Variants in GAK observed in about 807,000 individuals in gnomAD.
The protein encoded by GAK is cyclin-G-associated kinase.
GAK carries 79 observed loss-of-function variants against 143.9 expected under a neutral mutation model. The ratio of observed to expected loss-of-function variants is 0.55; its 90% confidence interval spans 0.46 to 0.66. The LOEUF (loss-of-function observed/expected upper bound fraction) is 0.66. GAK is among the 30% of genes least tolerant of loss of function. The probability of loss-of-function intolerance (pLI) is 0.00; values close to 1 mark genes in which losing one functional copy is unlikely to be tolerated. For missense variants in GAK, 1,693 were observed against 1,779.7 expected (o/e 0.95, Z 0.88); for synonymous variants, 881 against 765.5 (o/e 1.15, Z -2.49).
chr4:892,246 G>C (rs557548486), intron 9 of GAK, among the ~76,000 whole-genome samples: 12 of 152,320 alleles, frequency 7.9e-5, no homozygotes, highest in African/African-American at 2.2e-4. Context: ...AGCTACCAGG[G>C]AGTGGAAACG....
rs773153935 is a variant in GAK at position 866,522 on chromosome 4, C to A, written c.2885G>T (p.Gly962Val). 1 of 1,613,588 alleles carries A rather than the reference C, an allele frequency of 6.2e-7. No homozygotes were observed. Among genetic ancestry groups the A allele is most frequent in the Non-Finnish European group, 8.5e-7 (1 of 1,179,870 alleles). ...GGPPAAADPF[G>V]PLLPSSGNNS... The stretch of plus-strand genomic sequence containing the variant: ...GTTGCCTGAAGACGGCAGAAGCGGG[C>A]CAAAGGGGTCAGCTGTGGGGACAGG... Residue 962 changes from glycine (G) to valine (V), a missense_variant, in exon 22 of 28, where the codon GGC becomes GTC. By Grantham distance (109) the Gly-to-Val change is moderately radical (BLOSUM62 -3). Coordinates refer to ENST00000314167, the MANE Select transcript of GAK (RefSeq NM_005255.4).
At chr4:858,131 G>A (rs1458607878) in intron 24 of GAK, among the ~76,000 whole-genome samples, 1 of 152,232 alleles carries the variant, frequency 6.6e-6, no homozygotes, top group African/African-American at 2.4e-5. Flanking sequence ...AGGCTCCCAC[G>A]GTGCATGGAA....
chr4:887,222 C>T (rs1291968182), intron 11 of GAK: 10 of 130,366 alleles, frequency 7.7e-5, no homozygotes, highest in South Asian at 2.3e-4. Context: ...CACATGCACG[C>T]GGCTCACGCG....
chr4:914,190 T>C (rs1332179592), intron 1 of GAK, among the ~76,000 whole-genome samples: 5 of 15,908 alleles, frequency 3.1e-4, no homozygotes, highest in African/African-American at 2.9e-4. Context: ...GCCCCACACA[T>C]ACACAGCCCC....
Position 868,649 on chromosome 4 carries a change from G to A in GAK, c.2285C>T (p.Ala762Val). ...PELPRQPGSTAQYDAGAGSPE... is the reference protein window; with the variant it reads ...PELPRQPGSTVQYDAGAGSPE... ...GGACCCTGCCCCAGCATCATACTGA[G>A]CCGTGGAGCCAGGCTGCCGGGGAAG... Residue 762 changes from alanine to valine, a missense_variant, in exon 20 of 28, where the codon GCT becomes GTT. Physicochemically the swap from Ala to Val is moderately conservative, Grantham distance 64 (BLOSUM62 0). This residue lies in a region of GAK where 822 missense variants were observed against 788.7 expected (regional missense o/e 1.04). Transcript: ENST00000314167. 6.4e-7 allele frequency: 1 copy of A among 1,560,072 alleles called. No homozygotes were observed. Among genetic ancestry groups the A allele is most frequent in the Non-Finnish European group, 8.7e-7 (1 of 1,152,522 alleles).
At chr4:931,708 A>C (rs1725841929) in intron 1 of GAK, among the ~76,000 whole-genome samples, 1 of 148,854 alleles carries the variant, frequency 6.7e-6, no homozygotes, top group African/African-American at 2.5e-5. Context: ...TCACCGTAAC[A>C]TCTTCCCCCA....
chr4:896,278 C>A (rs1487577293), intron 7 of GAK, among the ~76,000 whole-genome samples, 182 bp downstream of exon 7: 1 of 152,024 alleles, frequency 6.6e-6, no homozygotes, highest in Admixed American at 6.6e-5. Context: ...TCCAAAAAAA[C>A]CCAAAAAAAC....
intron 6 of GAK, among the ~76,000 whole-genome samples, chr4:896,839 C>A (rs560219982): frequency 6.6e-6 from 1 of 152,256 alleles, no homozygotes; most frequent in Non-Finnish European, 1.5e-5. Flanking sequence ...TGGCCTGCTG[C>A]GCACCAAGTC....
chr4:881,460 A>G, intron 15 of GAK, among the ~76,000 whole-genome samples: 1 of 152,000 alleles, frequency 6.6e-6, no homozygotes, highest in East Asian at 1.9e-4. Context: ...CCACACGGCC[A>G]GGGAGAGCCT....
Position 896,545 on chromosome 4 carries a change from G to C in GAK, c.656C>G (p.Thr219Arg). 1 of 1,609,468 alleles carries C rather than the reference G, an allele frequency of 6.2e-7. No individual in the cohort carries two copies. Among genetic ancestry groups the C allele is most frequent in the Non-Finnish European group, 8.5e-7 (1 of 1,175,698 alleles). Residue 219 changes from threonine (T) to arginine (R), a missense_variant, in exon 7 of 28, where the codon ACG (threonine) becomes AGG (arginine). Around this residue, in one of 2 missense-constraint regions of GAK, gnomAD observed 871 missense variants for 991.0 expected, o/e 0.88. Coordinates refer to ENST00000314167, the MANE Select transcript of GAK (RefSeq NM_005255.4). ...QRRALVEEEI[T>R]RNTTPMYRTP... ...TCTATACATTGGTGTTGTATTCCTC[G>C]TGATCTGAAAAAATACAAACATTTC... is the stretch of plus-strand genomic sequence containing the variant.
chr4:912,464 C>A (rs1357051284), intron 3 of GAK: 2 of 427,268 alleles, frequency 4.7e-6, no homozygotes, highest in Non-Finnish European at 8.7e-6. Context: ...CCAGCCCATC[C>A]ACTGGGCAGG....
Position 859,677 on chromosome 4 carries a change from T to C in GAK, c.3212A>G (p.Gln1071Arg). 1 of 1,601,564 alleles carries C rather than the reference T, an allele frequency of 6.2e-7. No individual in the cohort carries two copies. Among genetic ancestry groups the C allele is most frequent in the Non-Finnish European group, 8.5e-7 (1 of 1,169,644 alleles). The change falls in exon 24 of 28, where the codon CAG becomes CGG. Residue 1071 changes from glutamine (Q) to arginine (R), a missense_variant. This residue lies in a region of GAK where 822 missense variants were observed against 788.7 expected (regional missense o/e 1.04). Transcript: ENST00000314167. ...GTTCTGAGACTTGGTCCAGCTGGCC[T>C]GAGAGCCACAAGGGGCCGGCTGACC... ...PGGQPAPCGSQASWTKSQNPD... is the reference protein window; with the variant it reads ...PGGQPAPCGSRASWTKSQNPD...
chr4:899,948 G>A (rs1560395552), intron 5 of GAK, among the ~76,000 whole-genome samples: 1 of 152,240 alleles, frequency 6.6e-6, no homozygotes, highest in South Asian at 2.1e-4. Context: ...CCACATACAG[G>A]ACCGGGGCCT....
At chr4:865,093 G>C in intron 23 of GAK, 29 bp downstream of exon 23, 1 of 1,598,918 alleles carries the variant, frequency 6.3e-7, no homozygotes, top group Admixed American at 1.7e-5. Flanking sequence ...ACGTCTGGGA[G>C]CCCTGTCCTT....
At chr4:866,659 C>T in intron 21 of GAK, 125 bp from the exon 22 acceptor site, 1 of 1,040,060 alleles carries the variant, frequency 9.6e-7, no homozygotes, top group Non-Finnish European at 1.4e-6. Flanking sequence ...CACGGCTGCC[C>T]TCGCAGGGGC....
chr4:858,869 G>A (rs1190893756), intron 24 of GAK, among the ~76,000 whole-genome samples: 1 of 152,236 alleles, frequency 6.6e-6, no homozygotes, highest in Non-Finnish European at 1.5e-5. Context: ...AGCAGGAGCA[G>A]ATGCCATAGC....
chr4:863,740 A>G (rs2152732653), intron 23 of GAK, among the ~76,000 whole-genome samples: 1 of 152,354 alleles, frequency 6.6e-6, no homozygotes, highest in South Asian at 2.1e-4. Context: ...TTAACAGACT[A>G]TGGCCAGGCC....
rs572806436 is a variant in GAK at position 918,400 on chromosome 4, T to A, written c.146-4732A>T. Among the ~76,000 whole-genome samples, 306 of 152,170 alleles carry A rather than the reference T, an allele frequency of 2.0e-3. 3 individuals are homozygous for A. Among genetic ancestry groups the A allele is most frequent in the African/African-American group, 7.0e-3 (292 of 41,504 alleles). ...AGTTAATGCAAGAAAGCTAGGAAAA[T>A]TAATAAAAGGCATAAAGATCAAAAA... On this transcript the variant is annotated intron_variant, in intron 1 of 27. Coordinates refer to ENST00000314167, the MANE Select transcript of GAK (RefSeq NM_005255.4).
At chr4:921,972 C>T (rs999537664) in intron 1 of GAK, among the ~76,000 whole-genome samples, 51 of 152,308 alleles carry the variant, frequency 3.3e-4, no homozygotes, top group African/African-American at 1.0e-3. Context: ...TATCGCTACA[C>T]ATGTATCACA....
Sources: allele counts gnomAD v4.1 joint callset (sites outside exome capture counted in the v4.1 genomes callset), GRCh38; gene constraint gnomAD v4.1.1; regional missense constraint gnomAD v4.1.1; transcripts MANE v1.5; gene names NCBI Gene and HGNC (gene_info 2026-07-23, HGNC 2026-07-21).